Variants in ERBIN observed in about 807,000 individuals in gnomAD.
ERBIN encodes densin-180-like protein.
ERBIN carries 60 observed loss-of-function variants against 158.4 expected under a neutral mutation model. The observed-to-expected ratio is 0.38, with a 90% CI of 0.31 to 0.47. The LOEUF is 0.47. Among genes scored for constraint, ERBIN ranks in the 20% least tolerant of loss-of-function variants. The pLI, the probability that ERBIN is intolerant of heterozygous loss-of-function variation, is 0.99. For synonymous variants in ERBIN, 594 were observed against 557.2 expected (o/e 1.07, Z -0.93); for missense variants, 1,610 against 1,648.0 (o/e 0.98, Z 0.40).
Position 66,025,557 on chromosome 5 carries a change from G to T in ERBIN, c.890+5G>T. On this transcript the variant is annotated splice_donor_5th_base_variant and intron_variant, in intron 11 of 25. Coordinates refer to ENST00000284037, the MANE Select transcript of ERBIN (RefSeq NM_001253697.2). ...TCTGCCAGACTCTATAGGAGGGTAA[G>T]TTTTTTGTGAATGTATACACCCTCG... The T allele has an allele frequency of 6.2e-7, 1 of 1,605,682 alleles. No individual in the cohort carries two copies. Among genetic ancestry groups the T allele is most frequent in the Non-Finnish European group, 8.5e-7 (1 of 1,173,076 alleles).
chr5:65,990,016 T>G (rs887642539), intron 2 of ERBIN, among the ~76,000 whole-genome samples: 2 of 152,258 alleles, frequency 1.3e-5, no homozygotes, highest in African/African-American at 4.8e-5. Context: ...TTATTCTTAC[T>G]GATAAAATAT....
chr5:65,933,109 C>T (rs2150843165), intron 1 of ERBIN, among the ~76,000 whole-genome samples: 1 of 152,194 alleles, frequency 6.6e-6, no homozygotes, highest in East Asian at 1.9e-4. Flanking sequence ...GGTTTTCTAG[C>T]CCTATTTTTG....
rs1747818050 is a variant in ERBIN, at chr5:65,960,785, A to G, written c.-57-27850A>G. ...CTTCCCTTAATTTACAATCTGTTAA[A>G]CTAGTGTGTAAAAAAACTCCATCCC... On this transcript the variant is annotated intron_variant, in intron 1 of 25. Transcript: ENST00000284037. 5.3e-5 allele frequency among the ~76,000 whole-genome samples: 8 copies of G among 152,192 alleles called. No homozygotes were observed. The South Asian group carries it at 1.7e-3, about 32-fold the overall frequency.
intron 4 of ERBIN, among the ~76,000 whole-genome samples, chr5:65,997,662 A>G (rs1580297408): frequency 6.6e-6 from 1 of 152,170 alleles, no homozygotes; most frequent in East Asian, 1.9e-4. Flanking sequence ...ATACTTCTTA[A>G]TAAGAATTGG....
chr5:66,008,832 A>G (rs1006771949), intron 4 of ERBIN, among the ~76,000 whole-genome samples: 1 of 152,228 alleles, frequency 6.6e-6, no homozygotes, highest in East Asian at 1.9e-4. Context: ...CTTCTTAAAA[A>G]GTATTAAGAA....
At chr5:66,015,052 T>A (rs1448323320) in intron 7 of ERBIN, among the ~76,000 whole-genome samples, 1 of 152,162 alleles carries the variant, frequency 6.6e-6, no homozygotes, top group African/African-American at 2.4e-5. Flanking sequence ...CTAAAGTTCA[T>A]ACACATAGTG....
chr5:65,957,547 C>T (rs2150944812), intron 1 of ERBIN, among the ~76,000 whole-genome samples: 1 of 152,326 alleles, frequency 6.6e-6, no homozygotes, highest in Non-Finnish European at 1.5e-5. Flanking sequence ...GGTCATAGAT[C>T]AACAGCATCC....
intron 25 of ERBIN, among the ~76,000 whole-genome samples, chr5:66,077,782 A>AGT (rs201048984): frequency 0.019 from 2,604 of 133,748 alleles, 77 homozygotes; most frequent in African/African-American, 0.07. Flanking sequence ...ACACACACAC[A>AGT]CACACACACA....
chr5:66,021,504 A>T lies in ERBIN; in HGVS notation c.597+119A>T, dbSNP rs784276. ...AGGTTTACTTTTTTTTCTTAGTTACAAGATATGAAATTTCTTAGCCAGAAC... is the reference window on the plus strand; with the variant it reads ...AGGTTTACTTTTTTTTCTTAGTTACTAGATATGAAATTTCTTAGCCAGAAC... On this transcript the variant is annotated intron_variant, in intron 8 of 25. Coordinates refer to ENST00000284037, the MANE Select transcript of ERBIN (RefSeq NM_001253697.2). 0.77 allele frequency: 505,012 copies of T among 655,292 alleles called. 200,314 individuals carry two copies. Among genetic ancestry groups the T allele is most frequent in the Non-Finnish European group, 0.83 (348,326 of 418,606 alleles). The allele number at this position is 655,292 out of a possible 1,614,324, so 40.6% of individuals were successfully genotyped here. A position where few individuals can be genotyped will look rare whatever the true frequency, so the allele number is the denominator to read the frequency against.
At chr5:65,995,784 C>G (rs888017004) in intron 4 of ERBIN, among the ~76,000 whole-genome samples, 3 of 152,008 alleles carry the variant, frequency 2.0e-5, no homozygotes, top group African/African-American at 7.2e-5. Flanking sequence ...CAGCACTTAT[C>G]TTTAGTCTTT....
At chr5:65,963,766 T>C (rs577572605) in intron 1 of ERBIN, among the ~76,000 whole-genome samples, 1 of 151,352 alleles carries the variant, frequency 6.6e-6, no homozygotes, top group South Asian at 2.1e-4. Context: ...GATTTGCGTT[T>C]TTGGTATGAC....
chr5:66,037,939 A>T (rs1409003284), intron 14 of ERBIN, among the ~76,000 whole-genome samples: 2 of 152,106 alleles, frequency 1.3e-5, no homozygotes, highest in African/African-American at 4.8e-5. Context: ...TTCAGCTGCT[A>T]ACTAGAATAA....
intron 1 of ERBIN, among the ~76,000 whole-genome samples, chr5:65,976,527 T>C (rs1474115009): frequency 2.6e-5 from 4 of 151,582 alleles, no homozygotes; most frequent in South Asian, 2.1e-4. Flanking sequence ...TTTCTTTTTT[T>C]TTTTTTTTAT....
At chr5:65,932,166 C>T (rs1743499191) in intron 1 of ERBIN, among the ~76,000 whole-genome samples, 1 of 151,858 alleles carries the variant, frequency 6.6e-6, no homozygotes, top group Non-Finnish European at 1.5e-5. Flanking sequence ...CAGTGAAACC[C>T]TGTCTCTACT....
intron 21 of ERBIN, among the ~76,000 whole-genome samples, chr5:66,058,063 C>T (rs1032219179): frequency 6.6e-6 from 1 of 152,042 alleles, no homozygotes; most frequent in African/African-American, 2.4e-5. Flanking sequence ...AATGGGATTG[C>T]TGGGTCAAAT....
intron 2 of ERBIN, among the ~76,000 whole-genome samples, chr5:65,990,833 T>C (rs1236258084): frequency 1.3e-5 from 2 of 151,594 alleles, no homozygotes; most frequent in Admixed American, 1.3e-4. Context: ...CAATCACGGC[T>C]CACTGCAGCC....
chr5:66,050,226 C>CTTTTTTTTTT (rs869119758), intron 19 of ERBIN, among the ~76,000 whole-genome samples: 1 of 9,760 alleles, frequency 1.0e-4, no homozygotes, highest in Non-Finnish European at 2.0e-4. Context: ...AAATCGAATT[C>CTTTTTTTTTT]TTTTTTTTTT....
chr5:66,074,089 T>G (rs936365068), intron 22 of ERBIN, among the ~76,000 whole-genome samples: 1 of 146,624 alleles, frequency 6.8e-6, no homozygotes, highest in African/African-American at 2.5e-5. Flanking sequence ...GGGGTCTTGC[T>G]GTTTTGCCCA....
chr5:65,940,169 C>CT (rs1403124745), intron 1 of ERBIN, among the ~76,000 whole-genome samples: 1 of 149,706 alleles, frequency 6.7e-6, no homozygotes, highest in East Asian at 2.0e-4. Flanking sequence ...CGCCCATCGT[C>CT]TAAGATGTGG....
Sources: allele counts gnomAD v4.1 joint callset (sites outside exome capture counted in the v4.1 genomes callset), GRCh38; gene constraint gnomAD v4.1.1; transcripts MANE v1.5; gene names NCBI Gene and HGNC (gene_info 2026-07-23, HGNC 2026-07-21).